The following AGBL1 variants were observed in gnomAD, a reference collection of about 807,000 sequenced individuals.
AGBL1 encodes the protein AGBL carboxypeptidase 1, also known as cytosolic carboxypeptidase 4.
A neutral mutation model predicts 118.9 loss-of-function variants in AGBL1; 130 were observed. That is an observed-to-expected ratio of 1.09 (90% CI 0.95 to 1.26). The LOEUF is 1.26. Ranked by LOEUF, AGBL1 falls within the 50% of genes most tolerant of loss-of-function variation. The probability of loss-of-function intolerance (pLI) is 0.00; values close to 1 mark genes in which losing one functional copy is unlikely to be tolerated. For synonymous variants in AGBL1, 555 were observed against 478.9 expected, an observed-to-expected ratio of 1.16 and a Z score of -2.08; for missense variants, 1,584 against 1,298.1, an observed-to-expected ratio of 1.22 and a Z score of -3.38.
intron 3 of AGBL1, among the ~76,000 whole-genome samples, chr15:86,149,450 A>G (rs182560591): frequency 1.3e-4 from 20 of 152,350 alleles, no homozygotes; most frequent in African/African-American, 4.8e-4. Flanking sequence ...AAGCAAATGG[A>G]AAGCAAAAAA....
At chr15:86,922,165 T>C (rs1418332908) in intron 23 of AGBL1, among the ~76,000 whole-genome samples, 1 of 152,202 alleles carries the variant, frequency 6.6e-6, no homozygotes, top group East Asian at 1.9e-4. Context: ...TGAAACAAAG[T>C]TGATTTCAAA....
At chr15:86,535,372 G>T (rs2083411218) in intron 19 of AGBL1, among the ~76,000 whole-genome samples, 1 of 152,318 alleles carries the variant, frequency 6.6e-6, no homozygotes, top group Non-Finnish European at 1.5e-5. Flanking sequence ...GACATCCCTG[G>T]GACTGGAAGA....
At chr15:86,425,919 T>G (rs1463346937) in intron 18 of AGBL1, among the ~76,000 whole-genome samples, 1 of 151,440 alleles carries the variant, frequency 6.6e-6, no homozygotes, top group African/African-American at 2.4e-5. Flanking sequence ...CGTCTATGGA[T>G]GGACAAAGAC....
At chr15:86,645,866 G>A (rs940764833) in intron 21 of AGBL1, among the ~76,000 whole-genome samples, 1 of 152,028 alleles carries the variant, frequency 6.6e-6, no homozygotes, top group African/African-American at 2.4e-5. Context: ...AGAATTCTGG[G>A]CCATGGAACA....
intron 18 of AGBL1, among the ~76,000 whole-genome samples, chr15:86,424,143 T>C (rs1027474939): frequency 1.3e-5 from 2 of 152,204 alleles, no homozygotes; most frequent in African/African-American, 2.4e-5. Flanking sequence ...ACTACAAGGC[T>C]ACAGTAACCA....
At chr15:86,162,252 C>T (rs1393371702) in intron 5 of AGBL1, among the ~76,000 whole-genome samples, 1 of 152,162 alleles carries the variant, frequency 6.6e-6, no homozygotes, top group Non-Finnish European at 1.5e-5. Context: ...GTATCATCCT[C>T]CAAATGCTAG....
intron 15 of AGBL1, among the ~76,000 whole-genome samples, chr15:86,275,242 C>G (rs1429030390): frequency 1.3e-5 from 2 of 152,162 alleles, no homozygotes; most frequent in East Asian, 1.9e-4. Flanking sequence ...TCTCTTCTGA[C>G]ATTTATCTCC....
rs147841341 is a variant in AGBL1 at position 86,624,950 on chromosome 15, A to T, written c.2995-49323A>T. Among the ~76,000 whole-genome samples the T allele has an allele frequency of 3.5e-3, 536 of 152,300 alleles. 4 individuals carry two copies. Among genetic ancestry groups the T allele is most frequent in the African/African-American group, 0.012 (500 of 41,576 alleles). On this transcript the variant is annotated intron_variant, in intron 21 of 22. Coordinates refer to ENST00000614907, the MANE Select transcript of AGBL1 (RefSeq NM_001386094.1). Reference sequence around the variant, plus strand: ...TGACAGAATGCCTTCAGAGCTGCTTACCAGGCTCTGTGTGGCTCTTGGTCT... The same window carrying T: ...TGACAGAATGCCTTCAGAGCTGCTTTCCAGGCTCTGTGTGGCTCTTGGTCT...
At chr15:86,496,832 G>A (rs72757825) in intron 18 of AGBL1, among the ~76,000 whole-genome samples, 3,432 of 152,028 alleles carry the variant, frequency 0.023, 60 homozygotes, top group Middle Eastern at 0.041. Flanking sequence ...AACATTTCCA[G>A]TATTTCAGCA....
At chr15:86,422,935 G>T (rs1206596145) in intron 18 of AGBL1, among the ~76,000 whole-genome samples, 1 of 152,152 alleles carries the variant, frequency 6.6e-6, no homozygotes, top group African/African-American at 2.4e-5. Context: ...TGAAATTGAG[G>T]CAGTACTTGA....
chr15:86,388,525 A>G (rs1345983054), intron 17 of AGBL1, among the ~76,000 whole-genome samples: 1 of 152,134 alleles, frequency 6.6e-6, no homozygotes, highest in Non-Finnish European at 1.5e-5. Flanking sequence ...TAGAGAACAG[A>G]TTTCAAAAGA....
chr15:86,202,439 A>G (rs920584276), intron 5 of AGBL1, among the ~76,000 whole-genome samples: 2 of 152,212 alleles, frequency 1.3e-5, no homozygotes, highest in Non-Finnish European at 2.9e-5. Context: ...TAGAGATCAG[A>G]AGACCTGCAC....
chr15:86,293,744 C>T (rs997150185), intron 16 of AGBL1, among the ~76,000 whole-genome samples: 4 of 152,104 alleles, frequency 2.6e-5, no homozygotes, highest in Admixed American at 6.6e-5. Context: ...CACTACTTCC[C>T]TTTCCATATA....
chr15:86,178,930 C>G (rs1340592610), intron 5 of AGBL1, among the ~76,000 whole-genome samples: 1 of 152,190 alleles, frequency 6.6e-6, no homozygotes, highest in African/African-American at 2.4e-5. Flanking sequence ...CTCCTGGGCT[C>G]TCAATGCAAT....
intron 17 of AGBL1, among the ~76,000 whole-genome samples, chr15:86,349,665 GT>G (rs1403408269): frequency 3.9e-5 from 6 of 152,198 alleles, no homozygotes; most frequent in Non-Finnish European, 7.3e-5. Context: ...CAATGAACCT[GT>G]CTTTACTTCT....
rs770556494 is a variant in AGBL1, at chr15:86,870,454, CAAAAAAAAAAAAAAAAAAAAAAAAAAA to C, written c.3159-36617_3159-36591del. On this transcript the variant is annotated intron_variant, in intron 22 of 22. Transcript: ENST00000614907. The stretch of plus-strand genomic sequence containing the variant: ...GGCAAGAAAAAAGTAAAGCATACTG[CAAAAAAAAAAAAAAAAAAAAAAAAAAA>C]AAAAAAAAAAAAAAAGAAGAAACAA... Among the ~76,000 whole-genome samples, 89 of 64,122 alleles carry C rather than the reference CAAAAAAAAAAAAAAAAAAAAAAAAAAA, an allele frequency of 1.4e-3. 1 individual carries two copies. The highest frequency in any genetic ancestry group is 2.0e-3 in the Admixed American group (10 of 5,086). 42.1% of individuals were successfully genotyped at this position (64,122 alleles called of 152,430 possible).
At chr15:86,290,404 G>T (rs1330562170) in intron 16 of AGBL1, among the ~76,000 whole-genome samples, 1 of 147,400 alleles carries the variant, frequency 6.8e-6, no homozygotes, top group Admixed American at 6.8e-5. Flanking sequence ...AGGATGGAGT[G>T]CAGTGACTTG....
chr15:86,377,642 A>G (rs967037652), intron 17 of AGBL1, among the ~76,000 whole-genome samples: 6 of 152,150 alleles, frequency 3.9e-5, no homozygotes, highest in African/African-American at 1.4e-4. Context: ...GACATCTCAG[A>G]GTAAGTGGTT....
intron 22 of AGBL1, among the ~76,000 whole-genome samples, chr15:86,867,911 A>AT (rs2079655965): frequency 6.6e-6 from 1 of 152,168 alleles, no homozygotes; most frequent in Non-Finnish European, 1.5e-5. Flanking sequence ...ATGAACCCAG[A>AT]TTATTTTATA....
Sources: allele counts gnomAD v4.1 joint callset (sites outside exome capture counted in the v4.1 genomes callset), GRCh38; gene constraint gnomAD v4.1.1; transcripts MANE v1.5; gene names NCBI Gene and HGNC (gene_info 2026-07-23, HGNC 2026-07-21).